Variants in SCN11A observed in about 807,000 individuals in gnomAD.
SCN11A encodes sodium channel protein type 11 subunit alpha.
A neutral mutation model predicts 162.2 loss-of-function variants in SCN11A; 122 were observed. The ratio of observed to expected loss-of-function variants is 0.75; its 90% CI spans 0.65 to 0.87. The LOEUF (loss-of-function observed/expected upper bound fraction) is 0.87, where lower values mean the gene tolerates loss of function less well. Ranked by LOEUF, SCN11A falls within the 40% of genes least tolerant of loss-of-function variation. SCN11A has a pLI of 0.00. For missense variants in SCN11A, 2,015 were observed against 2,181.6 expected, an observed-to-expected ratio of 0.92 and a Z score of 1.52; for synonymous variants, 758 against 751.5, an observed-to-expected ratio of 1.01 and a Z score of -0.14.
rs1158341477 is a variant in SCN11A at position 38,945,404 on chromosome 3, T to C, written c.488+7A>G. 1.8e-5 allele frequency: 28 copies of C among 1,598,194 alleles called. No homozygotes were observed. The highest frequency in any genetic ancestry group is 2.4e-5 in the Non-Finnish European group (28 of 1,166,870). On this transcript the variant is annotated splice_region_variant and intron_variant, in intron 7 of 29. Transcript: ENST00000302328. ...TTAGGACAGGTGAGTGAAGGAAAAA[T>C]ACTTACTCTGCAATGTCAGTATTGT...
At chr3:38,923,829 C>G (rs537308899) in intron 9 of SCN11A, among the ~76,000 whole-genome samples, 10 of 152,238 alleles carry the variant, frequency 6.6e-5, no homozygotes, top group African/African-American at 2.4e-4. Context: ...GGAGAAACTT[C>G]AGACTGCAGC....
intron 9 of SCN11A, among the ~76,000 whole-genome samples, chr3:38,922,691 G>A (rs1223468787): frequency 1.3e-5 from 2 of 152,162 alleles, no homozygotes; most frequent in African/African-American, 2.4e-5. Flanking sequence ...AGGAGGAGGA[G>A]GAGGAGGAGA....
At chr3:38,927,105 T>C (rs1402622845) in intron 7 of SCN11A, among the ~76,000 whole-genome samples, 174 bp from the exon 8 acceptor site, 1 of 152,160 alleles carries the variant, frequency 6.6e-6, no homozygotes, top group Non-Finnish European at 1.5e-5. Flanking sequence ...AGTCCTGGTA[T>C]TTAGAATTTC....
At chr3:38,942,946 G>A (rs1192747489) in intron 7 of SCN11A, among the ~76,000 whole-genome samples, 1 of 152,066 alleles carries the variant, frequency 6.6e-6, no homozygotes, top group Non-Finnish European at 1.5e-5. Flanking sequence ...ACTTATCGCA[G>A]GGCCCAGCAA....
intron 7 of SCN11A, 50 bp downstream of exon 7, chr3:38,945,361 G>T (rs1257361597): frequency 8.6e-7 from 1 of 1,161,060 alleles, no homozygotes; most frequent in Non-Finnish European, 1.3e-6. Context: ...ACTGTCTTAG[G>T]TATATTTGTT....
chr3:38,887,454 G>T (rs1430122520), intron 19 of SCN11A, among the ~76,000 whole-genome samples: 1 of 119,402 alleles, frequency 8.4e-6, no homozygotes, highest in Non-Finnish European at 1.7e-5. Context: ...GGGGAGGGGG[G>T]AGGGATAGCA....
At chr3:38,893,899 AAT>A (rs1478019562) in intron 19 of SCN11A, among the ~76,000 whole-genome samples, 10 of 152,294 alleles carry the variant, frequency 6.6e-5, no homozygotes, top group African/African-American at 2.4e-4. Flanking sequence ...ATAGCTATCA[AAT>A]ATGAGTCAGT....
rs1270791228 is a variant in SCN11A, at chr3:38,937,441, C to T, written c.488+7970G>A. 2.0e-5 allele frequency among the ~76,000 whole-genome samples: 3 copies of T among 150,414 alleles called. No homozygotes were observed. The East Asian group carries it at 5.8e-4, about 29-fold the overall frequency. On this transcript the variant is annotated intron_variant, in intron 7 of 29. Coordinates refer to ENST00000302328, the MANE Select transcript of SCN11A (RefSeq NM_001349253.2). Reference sequence around the variant, plus strand: ...ACCGTCAGAGTTAACAGGCAACCTACAAAATGGGAGAAAATTTTCGCAACC... The same window carrying T: ...ACCGTCAGAGTTAACAGGCAACCTATAAAATGGGAGAAAATTTTCGCAACC...
chr3:38,909,275 A>G, intron 12 of SCN11A, 81 bp from the exon 13 acceptor site: 1 of 1,306,788 alleles, frequency 7.7e-7, no homozygotes, highest in Non-Finnish European at 1.1e-6. Flanking sequence ...AAAACCACAC[A>G]GTAGCAGACA....
rs576049135 is a variant in SCN11A at position 38,887,823 on chromosome 3, A to G, written c.2836-1585T>C. ...TCTTGGGTGAATGTTTTATCCTAAC[A>G]TCTATGTGAAGACTCTTGCAACTCT... On this transcript the variant is annotated intron_variant, in intron 19 of 29. Coordinates refer to ENST00000302328, the MANE Select transcript of SCN11A (RefSeq NM_001349253.2). Among the ~76,000 whole-genome samples the G allele has an allele frequency of 1.6e-4, 24 of 152,268 alleles. No individual in the cohort carries two copies. In the South Asian group the frequency reaches 4.8e-3, roughly 30 times the overall value.
Position 38,982,019 on chromosome 3 carries a change from A to C in SCN11A, c.-279-21596T>G, listed in dbSNP as rs890638765. 5.9e-5 allele frequency among the ~76,000 whole-genome samples: 9 copies of C among 152,184 alleles called. No individual in the cohort carries two copies. The East Asian group carries it at 1.2e-3, about 20-fold the overall frequency. Reference sequence around the variant, plus strand: ...AGAGTGAGACTCTGTCTCAAAAAAAAAAAACAAAACAAAAAGCAAAAAGAA... The same window carrying C: ...AGAGTGAGACTCTGTCTCAAAAAAACAAAACAAAACAAAAAGCAAAAAGAA... On this transcript the variant is annotated intron_variant, in intron 2 of 29. Coordinates refer to ENST00000302328, the MANE Select transcript of SCN11A (RefSeq NM_001349253.2).
chr3:38,989,132 C>T (rs1005212245), intron 2 of SCN11A, among the ~76,000 whole-genome samples: 2 of 152,190 alleles, frequency 1.3e-5, no homozygotes, highest in African/African-American at 2.4e-5. Flanking sequence ...CATATAAGAA[C>T]TCCAGACATC....
intron 7 of SCN11A, among the ~76,000 whole-genome samples, chr3:38,942,537 C>T (rs921297778): frequency 6.6e-6 from 1 of 151,826 alleles, no homozygotes; most frequent in African/African-American, 2.4e-5. Context: ...AATCAGACAA[C>T]CAGAAAACAA....
intron 7 of SCN11A, among the ~76,000 whole-genome samples, chr3:38,933,253 G>A (rs1013430632): frequency 7.9e-5 from 12 of 151,940 alleles, no homozygotes; most frequent in African/African-American, 2.7e-4. Flanking sequence ...CCAAAAGTAG[G>A]TAAAACCACA....
Position 38,883,443 on chromosome 3 carries a change from A to C in SCN11A, c.3065-56T>G, listed in dbSNP as rs530466272. On this transcript the variant is annotated intron_variant, in intron 21 of 29. Transcript: ENST00000302328. ...AGTGTCTGTAATAAACTGCATTAAA[A>C]TGCAACTCTTCACCCCTTTCTGTGT... 1.4e-5 allele frequency: 21 copies of C among 1,531,938 alleles called. No homozygotes were observed. The South Asian group carries it at 2.4e-4, about 18-fold the overall frequency. The allele number at this position is 1,531,938 out of a possible 1,614,324, so 94.9% of individuals were successfully genotyped here.
At chr3:39,038,317 C>G (rs1180779299) in intron 1 of SCN11A, among the ~76,000 whole-genome samples, 2 of 152,284 alleles carry the variant, frequency 1.3e-5, no homozygotes, top group African/African-American at 4.8e-5. Context: ...CATGAACATA[C>G]TTTAACTATA....
chr3:38,997,845 G>T (rs1484698512), intron 2 of SCN11A, among the ~76,000 whole-genome samples: 1 of 152,184 alleles, frequency 6.6e-6, no homozygotes, highest in Non-Finnish European at 1.5e-5. Context: ...CATAATACCT[G>T]TAAGTATTTA....
chr3:38,908,634 C>T (rs781600510), intron 13 of SCN11A, among the ~76,000 whole-genome samples: 2 of 152,042 alleles, frequency 1.3e-5, no homozygotes, highest in South Asian at 2.1e-4. Context: ...CAAGCAAAGG[C>T]GCCGAACACA....
rs1193206195 is a variant in SCN11A, at chr3:38,904,034, T to A, written c.1673A>T (p.Asn558Ile). The change falls in exon 16 of 30, where the codon AAC becomes ATC. Residue 558 changes from asparagine (N) to isoleucine (I), a missense_variant. By Grantham distance (149) the Asn-to-Ile change is moderately radical. Coordinates refer to ENST00000302328, the MANE Select transcript of SCN11A (RefSeq NM_001349253.2). ...ENLASKYLVWNCCPQWLCVKK... is the reference protein window; with the variant it reads ...ENLASKYLVWICCPQWLCVKK... The stretch of plus-strand genomic sequence containing the variant: ...AACGCACAGCCACTGGGGGCAACAG[T>A]TCCACACGAGGTACTTGGATGCCAG... The A allele has an allele frequency of 3.1e-6, 5 of 1,607,876 alleles. No homozygotes were observed. Among genetic ancestry groups the A allele is most frequent in the Non-Finnish European group, 4.2e-6 (5 of 1,178,446 alleles).
Sources: allele counts gnomAD v4.1 joint callset (sites outside exome capture counted in the v4.1 genomes callset), GRCh38; gene constraint gnomAD v4.1.1; transcripts MANE v1.5; gene names NCBI Gene and HGNC (gene_info 2026-07-23, HGNC 2026-07-21).